The following SLC25A28 variants were observed in gnomAD, a reference collection of about 807,000 sequenced individuals.
The protein encoded by SLC25A28 is solute carrier family 25 member 28.
In SLC25A28, 10 loss-of-function variants were observed where a neutral mutation model predicts 31.9. The ratio of observed to expected loss-of-function variants is 0.31; its 90% CI spans 0.19 to 0.53. SLC25A28 has a LOEUF of 0.53. SLC25A28 is among the 20% of genes least tolerant of loss of function. The pLI is 0.95. For missense variants in SLC25A28, 256 were observed against 490.3 expected, an observed-to-expected ratio of 0.52 and a Z score of 4.51; for synonymous variants, 208 against 203.6, an observed-to-expected ratio of 1.02 and a Z score of -0.19.
chr10:99,657,864 A>G, the SLC25A28 span, among the ~76,000 whole-genome samples: 2 of 152,144 alleles, frequency 1.3e-5, no homozygotes, highest in East Asian at 3.9e-4. Context: ...GTCAGAGTAT[A>G]CATGAAACCT....
At chr10:99,621,009 C>G (rs1005949793), upstream of SLC25A28, 67 of 981,954 alleles carry the variant, frequency 6.8e-5, no homozygotes, top group Middle Eastern at 5.2e-4. Flanking sequence ...GCCCTGGCCC[C>G]GGAGAGCCGT....
chr10:99,610,694 G>T lies in SLC25A28; in HGVS notation c.*155C>A. On this transcript the variant is annotated 3_prime_UTR_variant, in exon 4 of 4. Transcript: ENST00000370495. ...GGAAAGGTGGTGGCAACAGAGGTTG[G>T]CAGGAACTGGTGTTAGTCAAAACAC... 1.2e-6 allele frequency: 1 copy of T among 858,288 alleles called. No homozygotes were observed. Among genetic ancestry groups the T allele is most frequent in the Non-Finnish European group, 1.8e-6 (1 of 563,232 alleles). 53.2% of individuals were successfully genotyped at this position (858,288 alleles called of 1,614,324 possible).
chr10:99,639,650 C>G, the SLC25A28 span, among the ~76,000 whole-genome samples: 94 of 151,546 alleles, frequency 6.2e-4, 1 homozygote, highest in Non-Finnish European at 9.9e-4. Context: ...CCTGCCCCCC[C>G]ATCCCCCTAC....
At chr10:99,647,330 T>A in the SLC25A28 span, among the ~76,000 whole-genome samples, 3 of 152,200 alleles carry the variant, frequency 2.0e-5, no homozygotes, top group Non-Finnish European at 4.4e-5. Flanking sequence ...CATTTGTTGT[T>A]TTGACTTTTT....
intron 1 of SLC25A28, chr10:99,616,032 T>G: frequency 5.1e-6 from 5 of 985,456 alleles, no homozygotes; most frequent in Non-Finnish European, 6.0e-6. Flanking sequence ...GGAGAGGACC[T>G]GGGCATAAGC....
the SLC25A28 span, among the ~76,000 whole-genome samples, chr10:99,650,532 A>T: frequency 6.6e-6 from 1 of 152,024 alleles, no homozygotes; most frequent in African/African-American, 2.4e-5. Context: ...GTAGCCCAAC[A>T]TTAAACTCTC....
intron 1 of SLC25A28, chr10:99,618,923 A>G: frequency 1.0e-6 from 1 of 985,438 alleles, no homozygotes; most frequent in Non-Finnish European, 1.2e-6. Context: ...GAAAACATAC[A>G]TCAAAAAGCT....
At chr10:99,624,423 A>G (rs1266905625), upstream of SLC25A28, among the ~76,000 whole-genome samples, 3 of 152,090 alleles carry the variant, frequency 2.0e-5, no homozygotes, top group Non-Finnish European at 4.4e-5. Context: ...CAAGCTCTCA[A>G]GTGATGCTGA....
At position 99,617,509 on chromosome 10, in the gene SLC25A28, CA is replaced by C. The variant is rs2034685932; in HGVS notation, c.291+2535del. The C allele has an allele frequency of 1.0e-5, 9 of 874,238 alleles. 1 individual carries two copies. The South Asian group carries it at 5.1e-4, about 50-fold the overall frequency. The allele number at this position is 874,238 out of a possible 1,614,324, so 54.2% of individuals were successfully genotyped here. A position where few individuals can be genotyped will look rare whatever the true frequency, so the allele number is the denominator to read the frequency against. ...TAAAGACTGGGCTGCTTTTCCTCCC[CA>C]CTCATCCACTTATTAAAAGAAGAAG... is the stretch of plus-strand genomic sequence containing the variant. On this transcript the variant is annotated intron_variant, in intron 1 of 3. Transcript: ENST00000370495.
At chr10:99,627,348 G>A in the SLC25A28 span, among the ~76,000 whole-genome samples, 5 of 152,084 alleles carry the variant, frequency 3.3e-5, no homozygotes, top group African/African-American at 1.2e-4. Context: ...TCACATCATG[G>A]AGAATGGGGT....
chr10:99,641,709 T>A, the SLC25A28 span, among the ~76,000 whole-genome samples: 87 of 152,336 alleles, frequency 5.7e-4, 1 homozygote, highest in Middle Eastern at 3.4e-3. Context: ...GATCTAACAT[T>A]TAAGTCTTTA....
the SLC25A28 span, among the ~76,000 whole-genome samples, chr10:99,643,867 T>G: frequency 6.6e-6 from 1 of 152,234 alleles, no homozygotes; most frequent in Non-Finnish European, 1.5e-5. Flanking sequence ...TCCATGTAGT[T>G]GAGTGGTTTT....
intron 1 of SLC25A28, chr10:99,618,555 T>C: frequency 1.0e-6 from 1 of 985,400 alleles, no homozygotes; most frequent in South Asian, 4.7e-5. Flanking sequence ...ATCTTTTTTA[T>C]TTATACTTGT....
the SLC25A28 span, among the ~76,000 whole-genome samples, chr10:99,648,311 A>T: frequency 1.3e-5 from 2 of 152,096 alleles, no homozygotes; most frequent in African/African-American, 4.8e-5. Flanking sequence ...CCATTGATGT[A>T]TGTGTATATA....
At chr10:99,648,208 C>A in the SLC25A28 span, among the ~76,000 whole-genome samples, 264 of 151,588 alleles carry the variant, frequency 1.7e-3, 1 homozygote, top group Non-Finnish European at 3.1e-3. Context: ...CCATGTTGAC[C>A]AGGCTGGTCT....
chr10:99,645,544 G>A, the SLC25A28 span, among the ~76,000 whole-genome samples: 1 of 152,198 alleles, frequency 6.6e-6, no homozygotes, highest in Non-Finnish European at 1.5e-5. Flanking sequence ...ATCGTCCAAA[G>A]CCTTCTTCTC....
At position 99,611,220 on chromosome 10, in the gene SLC25A28, G is replaced by A. The variant is rs1397852686; in HGVS notation, c.724C>T (p.His242Tyr). 6.2e-7 allele frequency: 1 copy of A among 1,614,186 alleles called. No homozygotes were observed. ...LTMNVPFQAI[H>Y]FMTYEFLQEH... Reference sequence around the variant, plus strand: ...TGCAGGAATTCATAGGTCATGAAGTGAATGGCTTGGAAAGGAACGTTCATG... The same window carrying A: ...TGCAGGAATTCATAGGTCATGAAGTAAATGGCTTGGAAAGGAACGTTCATG... Residue 242 changes from histidine to tyrosine, a missense_variant, in exon 4 of 4, where the codon CAC (histidine) becomes TAC (tyrosine). By Grantham distance (83) the His-to-Tyr change is moderately conservative. Around this residue, in one of 4 missense-constraint regions of SLC25A28, gnomAD observed 158 missense variants for 379.1 expected, o/e 0.42. Transcript: ENST00000370495. This position sits in a 1 kb window ranked among gnomAD's most constrained non-coding sequence, Gnocchi z 5.5.
chr10:99,644,002 G>A, the SLC25A28 span, among the ~76,000 whole-genome samples: 1 of 152,136 alleles, frequency 6.6e-6, no homozygotes, highest in Non-Finnish European at 1.5e-5. Context: ...GGTCAATTTT[G>A]GAATAAGTGC....
chr10:99,612,187 T>C (rs1351891310), intron 3 of SLC25A28, among the ~76,000 whole-genome samples: 1 of 151,858 alleles, frequency 6.6e-6, no homozygotes, highest in Non-Finnish European at 1.5e-5. Context: ...TTCCTGCAAA[T>C]CATAAGGGGG....
Sources: allele counts gnomAD v4.1 joint callset (sites outside exome capture counted in the v4.1 genomes callset), GRCh38; gene constraint gnomAD v4.1.1; regional missense constraint gnomAD v4.1.1; non-coding constraint Gnocchi (gnomAD v3.1); transcripts MANE v1.5; gene names NCBI Gene and HGNC (gene_info 2026-07-23, HGNC 2026-07-21).